Variants in SNTG1 observed in about 807,000 individuals in gnomAD.
The protein encoded by SNTG1 is syntrophin gamma 1, also known as gamma-1-syntrophin.
A neutral mutation model predicts 74.7 loss-of-function variants in SNTG1; 39 were observed. That is an observed-to-expected ratio of 0.52 (90% CI 0.40 to 0.68). SNTG1 has a LOEUF of 0.68. Ranked by LOEUF, SNTG1 falls within the 30% of genes least tolerant of loss-of-function variation. The probability of loss-of-function intolerance (pLI) is 0.00; values close to 1 mark genes in which losing one functional copy is unlikely to be tolerated. For missense variants in SNTG1, 685 were observed against 609.5 expected (o/e 1.12, Z -1.30); for synonymous variants, 254 against 217.1 (o/e 1.17, Z -1.49).
At chr8:50,143,795 T>C (rs1316703429) in intron 1 of SNTG1, among the ~76,000 whole-genome samples, 2 of 152,232 alleles carry the variant, frequency 1.3e-5, no homozygotes, top group East Asian at 3.9e-4. Context: ...ATGCCTTGTA[T>C]TTAGTTGATA....
chr8:50,164,215 T>C (rs1763317094), intron 1 of SNTG1: 1 of 150,864 alleles, frequency 6.6e-6, no homozygotes, highest in South Asian at 2.1e-4. Flanking sequence ...TCTGAATTGG[T>C]CAAGGAGAAT....
At chr8:50,090,254 A>T (rs1235918622) in intron 1 of SNTG1, among the ~76,000 whole-genome samples, 1 of 152,174 alleles carries the variant, frequency 6.6e-6, no homozygotes, top group East Asian at 1.9e-4. Context: ...AAATTGGCTT[A>T]AATAAAAGGG....
intron 2 of SNTG1, among the ~76,000 whole-genome samples, chr8:50,240,136 CT>C (rs1415811431): frequency 2.0e-5 from 3 of 152,104 alleles, no homozygotes; most frequent in Admixed American, 2.0e-4. Context: ...ATTAATATGC[CT>C]GTTAGACTTT....
chr8:50,636,845 G>T (rs1000562679), intron 13 of SNTG1, among the ~76,000 whole-genome samples: 1 of 152,114 alleles, frequency 6.6e-6, no homozygotes, highest in Non-Finnish European at 1.5e-5. Context: ...CAGCCATCTT[G>T]CTCCATTCCA....
At chr8:50,424,568 A>G (rs2093138167) in intron 4 of SNTG1, among the ~76,000 whole-genome samples, 1 of 152,204 alleles carries the variant, frequency 6.6e-6, no homozygotes, top group Non-Finnish European at 1.5e-5. Context: ...GTTTCCAGGA[A>G]TGGGATGAAT....
At chr8:50,186,842 G>A (rs920190199) in intron 2 of SNTG1, among the ~76,000 whole-genome samples, 2 of 152,046 alleles carry the variant, frequency 1.3e-5, no homozygotes, top group African/African-American at 2.4e-5. Context: ...TAGGTTGCCT[G>A]TTCACTCTGA....
intron 1 of SNTG1, among the ~76,000 whole-genome samples, chr8:49,929,533 T>A (rs1011519137): frequency 1.3e-5 from 2 of 152,124 alleles, no homozygotes; most frequent in Non-Finnish European, 2.9e-5. Flanking sequence ...CTCAGGGACA[T>A]CCTCTGACCC....
At chr8:50,772,426 G>A (rs2095629529) in intron 18 of SNTG1, among the ~76,000 whole-genome samples, 1 of 152,014 alleles carries the variant, frequency 6.6e-6, no homozygotes, top group African/African-American at 2.4e-5. Context: ...TTTTAGAATA[G>A]GAACATTGAA....
At chr8:50,153,130 C>G (rs2082129048) in intron 1 of SNTG1, among the ~76,000 whole-genome samples, 1 of 152,158 alleles carries the variant, frequency 6.6e-6, no homozygotes, top group South Asian at 2.1e-4. Flanking sequence ...CTCTAAACTT[C>G]TCTTCTCACT....
chr8:50,322,617 T>C (rs1029613230), intron 2 of SNTG1, among the ~76,000 whole-genome samples: 1 of 152,208 alleles, frequency 6.6e-6, no homozygotes, highest in Non-Finnish European at 1.5e-5. Context: ...TTTGAATAAT[T>C]GTTCTATTCC....
At chr8:50,424,329 G>A (rs1313735464) in intron 4 of SNTG1, among the ~76,000 whole-genome samples, 1 of 152,096 alleles carries the variant, frequency 6.6e-6, no homozygotes, top group Non-Finnish European at 1.5e-5. Context: ...AACAAAAAAA[G>A]GTAATCTCAA....
intron 1 of SNTG1, among the ~76,000 whole-genome samples, chr8:49,952,963 C>T (rs114185639): frequency 1.3e-5 from 2 of 152,078 alleles, no homozygotes; most frequent in African/African-American, 4.8e-5. Context: ...GTATCATGTA[C>T]GTTCATGTAG....
chr8:50,039,695 A>G (rs1165404954), intron 1 of SNTG1, among the ~76,000 whole-genome samples: 1 of 151,996 alleles, frequency 6.6e-6, no homozygotes, highest in East Asian at 1.9e-4. Flanking sequence ...AAATCTTGCC[A>G]TTATTAGATT....
chr8:50,298,031 G>C (rs950675849), intron 2 of SNTG1, among the ~76,000 whole-genome samples: 1 of 7,200 alleles, frequency 1.4e-4, no homozygotes, highest in African/African-American at 3.1e-4. Flanking sequence ...CTGTTGAAAA[G>C]CTAAAAAAAA....
chr8:50,294,915 C>A (rs2089293421), intron 2 of SNTG1, among the ~76,000 whole-genome samples: 1 of 152,102 alleles, frequency 6.6e-6, no homozygotes, highest in African/African-American at 2.4e-5. Context: ...CAATGGCTCA[C>A]CAGAGCCGGA....
At chr8:50,271,062 T>C (rs1449369685) in intron 2 of SNTG1, among the ~76,000 whole-genome samples, 1 of 152,202 alleles carries the variant, frequency 6.6e-6, no homozygotes, top group African/African-American at 2.4e-5. Flanking sequence ...AGATACTCTG[T>C]ACCAAATTCA....
chr8:50,145,847 G>T (rs1246561058), intron 1 of SNTG1, among the ~76,000 whole-genome samples: 1 of 151,314 alleles, frequency 6.6e-6, no homozygotes, highest in Non-Finnish European at 1.5e-5. Context: ...AGATATCTAT[G>T]AATAATAAAA....
At chr8:50,729,866 A>G (rs1349797256) in intron 17 of SNTG1, among the ~76,000 whole-genome samples, 1 of 152,172 alleles carries the variant, frequency 6.6e-6, no homozygotes, top group East Asian at 1.9e-4. Flanking sequence ...TTATATTTCT[A>G]TATCACCTAG....
chr8:50,401,751 T>C (rs1312033694), intron 3 of SNTG1, among the ~76,000 whole-genome samples: 1 of 152,130 alleles, frequency 6.6e-6, no homozygotes, highest in Non-Finnish European at 1.5e-5. Flanking sequence ...GTGTTCCTTC[T>C]TTTTGAAGTA....
Sources: gnomAD v4.1 joint callset for allele counts (sites outside exome capture counted in the v4.1 genomes callset) on GRCh38, gnomAD v4.1.1 for gene constraint, MANE v1.5 for transcripts, NCBI Gene and HGNC (gene_info 2026-07-23, HGNC 2026-07-21) for gene names.